ASF1B: variants seen among roughly 807,000 people sequenced by gnomAD.
The protein encoded by ASF1B is anti-silencing function 1B histone chaperone.
In ASF1B, 10 loss-of-function variants were observed where a neutral mutation model predicts 16.6. The ratio of observed to expected loss-of-function variants is 0.60; its 90% CI spans 0.37 to 1.02. ASF1B has a LOEUF of 1.02. Ranked by LOEUF, ASF1B falls within the 50% of genes least tolerant of loss-of-function variation. The pLI is 0.01. For synonymous variants in ASF1B, 101 were observed against 106.2 expected, an observed-to-expected ratio of 0.95 and a Z score of 0.30; for missense variants, 240 against 266.0, an observed-to-expected ratio of 0.90 and a Z score of 0.68.
chr19:14,121,987 A>G (rs1370313027), intron 2 of ASF1B, among the ~76,000 whole-genome samples: 1 of 150,954 alleles, frequency 6.6e-6, no homozygotes, highest in African/African-American at 2.4e-5. Flanking sequence ...CTGAAGTGCA[A>G]TGGTGCGATC....
chr19:14,132,761 T>C (rs1967424811), intron 1 of ASF1B, among the ~76,000 whole-genome samples: 1 of 152,130 alleles, frequency 6.6e-6, no homozygotes, highest in African/African-American at 2.4e-5. Context: ...GAGATTGCAG[T>C]GAGCTGAGAT....
intron 1 of ASF1B, among the ~76,000 whole-genome samples, chr19:14,129,257 AAAAAAG>A (rs1392361985): frequency 1.3e-5 from 2 of 152,128 alleles, no homozygotes; most frequent in Non-Finnish European, 2.9e-5. Flanking sequence ...CTCAAAGGAA[AAAAAAG>A]AAAAAGAAAA....
Position 14,136,366 on chromosome 19 carries a change from T to C in ASF1B, c.91A>G (p.Ser31Gly). ...GCCTCACCGTCCGCCAGGGCTTCAC[T>C]GCACTCGAAGCTGATCTCGAACCGG... ...PFRFEISFEC[S>G]EALADDLEWK... Residue 31 changes from serine to glycine, a missense_variant, in exon 1 of 4, where the codon AGT (serine) becomes GGT (glycine). Transcript: ENST00000263382. The C allele has an allele frequency of 6.2e-7, 1 of 1,613,156 alleles. No homozygotes were observed. The highest frequency in any genetic ancestry group is 8.5e-7 in the Non-Finnish European group (1 of 1,179,354).
chr19:14,133,455 G>A (rs986353136), intron 1 of ASF1B, among the ~76,000 whole-genome samples: 16 of 152,182 alleles, frequency 1.1e-4, no homozygotes, highest in Middle Eastern at 6.8e-3. Context: ...ATCACCTGAG[G>A]TCAGGAGTTC....
chr19:14,121,784 AT>A, intron 2 of ASF1B, 76 bp from the exon 3 acceptor site: 1 of 1,375,346 alleles, frequency 7.3e-7, no homozygotes, highest in Non-Finnish European at 9.9e-7. Flanking sequence ...ATTCCCAAGC[AT>A]CATGTATTTA....
chr19:14,131,238 G>A (rs1314886262), intron 1 of ASF1B, among the ~76,000 whole-genome samples: 3 of 149,038 alleles, frequency 2.0e-5, no homozygotes, highest in Admixed American at 1.4e-4. Context: ...AGGTTGGAGT[G>A]CAGTGGCACA....
intron 2 of ASF1B, among the ~76,000 whole-genome samples, chr19:14,124,301 A>G (rs1269888909): frequency 6.6e-6 from 1 of 152,036 alleles, no homozygotes; most frequent in Non-Finnish European, 1.5e-5. Flanking sequence ...CGACAGGTGC[A>G]AGCCACCACA....
intron 1 of ASF1B, among the ~76,000 whole-genome samples, chr19:14,132,817 CTAA>C (rs1036165004): frequency 5.9e-5 from 9 of 151,880 alleles, no homozygotes; most frequent in Non-Finnish European, 1.3e-4. Context: ...GATTCCATTT[CTAA>C]TAATAATCAT....
At chr19:14,121,752 C>G in intron 2 of ASF1B, 44 bp from the exon 3 acceptor site, 1 of 1,532,656 alleles carries the variant, frequency 6.5e-7, no homozygotes, top group Non-Finnish European at 8.9e-7. Flanking sequence ...CACAGCCATG[C>G]CTCGATGTCA....
chr19:14,123,989 A>G (rs1462645701), intron 2 of ASF1B, among the ~76,000 whole-genome samples: 1 of 151,766 alleles, frequency 6.6e-6, no homozygotes, highest in Non-Finnish European at 1.5e-5. Flanking sequence ...ACAGGGTTTC[A>G]CCATGTTGGC....
chr19:14,129,094 A>T (rs1485177730), intron 1 of ASF1B, among the ~76,000 whole-genome samples: 3 of 152,170 alleles, frequency 2.0e-5, no homozygotes, highest in Non-Finnish European at 4.4e-5. Context: ...CTCTATTAAA[A>T]ATCAACAAAA....
At chr19:14,124,936 A>G (rs1488599602) in intron 2 of ASF1B, among the ~76,000 whole-genome samples, 1 of 152,210 alleles carries the variant, frequency 6.6e-6, no homozygotes, top group Non-Finnish European at 1.5e-5. Flanking sequence ...TGAATTCAAC[A>G]TAAATGAACC....
At chr19:14,129,783 A>G (rs1599359203) in intron 1 of ASF1B, among the ~76,000 whole-genome samples, 1 of 149,840 alleles carries the variant, frequency 6.7e-6, no homozygotes, top group African/African-American at 2.4e-5. Flanking sequence ...TCATTGGATC[A>G]TGGCTGTAAT....
In ASF1B at chr19:14,132,027, T is replaced by C. The variant is rs1345951032; in HGVS notation, c.109+4321A>G. On this transcript the variant is annotated intron_variant, in intron 1 of 3. Transcript: ENST00000263382. ...CTGGGGCTTAGGGGTTAGGGTGGTT[T>C]TTTTTTTTTTTTTTTTTGAGATGGG... 4.0e-5 allele frequency among the ~76,000 whole-genome samples: 4 copies of C among 100,698 alleles called. No homozygotes were observed. The Admixed American group carries it at 4.1e-4, about 10-fold the overall frequency. 66.1% of individuals were successfully genotyped at this position (100,698 alleles called of 152,430 possible).
intron 1 of ASF1B, among the ~76,000 whole-genome samples, chr19:14,132,765 C>G (rs887721297): frequency 6.6e-6 from 1 of 152,136 alleles, no homozygotes; most frequent in Non-Finnish European, 1.5e-5. Flanking sequence ...TTGCAGTGAG[C>G]TGAGATTGCA....
At chr19:14,126,350 G>T in intron 1 of ASF1B, 113 bp from the exon 2 acceptor site, 1 of 708,314 alleles carries the variant, frequency 1.4e-6, no homozygotes. Flanking sequence ...TGTCACACAG[G>T]TTAGAATACA....
chr19:14,127,119 T>G (rs1465419739), intron 1 of ASF1B, among the ~76,000 whole-genome samples: 1 of 152,180 alleles, frequency 6.6e-6, no homozygotes, highest in Non-Finnish European at 1.5e-5. Context: ...CTTAATATGT[T>G]AAAAGACTAT....
chr19:14,127,383 C>A (rs1967334424), intron 1 of ASF1B, among the ~76,000 whole-genome samples: 1 of 152,178 alleles, frequency 6.6e-6, no homozygotes, highest in Non-Finnish European at 1.5e-5. Flanking sequence ...CAGGGCCCTG[C>A]CCACTGGGTG....
chr19:14,135,106 C>T (rs1056516332), intron 1 of ASF1B, among the ~76,000 whole-genome samples: 11 of 151,720 alleles, frequency 7.3e-5, no homozygotes, highest in African/African-American at 2.7e-4. Flanking sequence ...CGCCTGTAGT[C>T]CCAGCTACTC....
Sources: gnomAD v4.1 joint callset for allele counts (sites outside exome capture counted in the v4.1 genomes callset) on GRCh38, gnomAD v4.1.1 for gene constraint, MANE v1.5 for transcripts, NCBI Gene and HGNC (gene_info 2026-07-23, HGNC 2026-07-21) for gene names.